The following BTK variants were observed in gnomAD, a reference collection of about 807,000 sequenced individuals.
BTK encodes the protein tyrosine-protein kinase BTK.
BTK carries 5 observed loss-of-function variants against 57.4 expected under a neutral mutation model. The ratio of observed to expected loss-of-function variants is 0.09; its 90% CI spans 0.05 to 0.18. The LOEUF (loss-of-function observed/expected upper bound fraction) is 0.18, where lower values mean the gene tolerates loss of function less well. Among genes scored for constraint, BTK ranks in the 10% least tolerant of loss-of-function variants. The pLI is 1.00. For missense variants in BTK, 194 were observed against 501.2 expected (o/e 0.39, Z 5.85); for synonymous variants, 154 against 174.3 (o/e 0.88, Z 0.92).
chrX:101,374,607 C>G lies in BTK; in HGVS notation c.169G>C (p.Asp57His), dbSNP rs1555980795. The G allele has an allele frequency of 8.3e-7, 1 of 1,209,068 alleles. No individual in the cohort carries two copies. Among genetic ancestry groups the G allele is most frequent in the Admixed American group, 2.2e-5 (1 of 46,009 alleles). The change falls in exon 3 of 19, where the codon GAT becomes CAT. Residue 57 changes from aspartate to histidine, a missense_variant. By Grantham distance (81) the Asp-to-His change is moderately conservative (BLOSUM62 -1). Transcript: ENST00000308731. ...GRRGSKKGSI[D>H]VEKITCVETV... ...TCAACACAAGTGATCTTCTCAACATCTATTGAACCCTTCTTACTGCCTCTT... is the reference window on the plus strand; with the variant it reads ...TCAACACAAGTGATCTTCTCAACATGTATTGAACCCTTCTTACTGCCTCTT...
upstream of BTK, chrX:101,390,460 C>T (rs1199299102): frequency 1.9e-6 from 1 of 514,810 alleles, no homozygotes; most frequent in African/African-American, 2.3e-5. Context: ...CATTTATAAG[C>T]CTATTAGATT....
At chrX:101,368,224 C>G (rs906432112) in intron 5 of BTK, among the ~76,000 whole-genome samples, 2 of 112,559 alleles carry the variant, frequency 1.8e-5, no homozygotes, top group Admixed American at 1.9e-4. Flanking sequence ...GAGCCTGTAT[C>G]ACAATAAGCA....
At chrX:101,359,425 C>T (rs1446373765) in intron 9 of BTK, 78 bp from the exon 10 acceptor site, 5 of 968,582 alleles carry the variant, frequency 5.2e-6, no homozygotes, top group Non-Finnish European at 7.4e-6. Context: ...AGGGCTTGTC[C>T]ATGTCAGTGA....
chrX:101,364,742 A>T (rs1926795569), intron 5 of BTK, among the ~76,000 whole-genome samples: 1 of 109,419 alleles, frequency 9.1e-6, no homozygotes, highest in African/African-American at 3.3e-5. Flanking sequence ...CATTGCATAG[A>T]GGGAATTTTT....
chrX:101,371,516 T>C lies in BTK; in HGVS notation c.309+117A>G, dbSNP rs1470265346. The C allele has an allele frequency of 1.3e-5, 8 of 636,641 alleles. No homozygotes were observed. The Admixed American group carries it at 1.8e-4, about 14-fold the overall frequency. The allele number at this position is 636,641 out of a possible 1,213,427, so 52.5% of individuals were successfully genotyped here. A position where few individuals can be genotyped will look rare whatever the true frequency, so the allele number is the denominator to read the frequency against. On this transcript the variant is annotated intron_variant, in intron 4 of 18. Transcript: ENST00000308731. ...CTCATTTCTTGGTTCAGCATCCTTG[T>C]CCACCTCAACTTCTATTCACTGGGT... is the stretch of plus-strand genomic sequence containing the variant.
intron 1 of BTK, among the ~76,000 whole-genome samples, chrX:101,383,196 T>G (rs1406116727): frequency 1.8e-5 from 2 of 111,827 alleles, no homozygotes; most frequent in African/African-American, 3.3e-5. Flanking sequence ...TTTACCTATT[T>G]TTCGTAACAT....
intron 15 of BTK, chrX:101,355,470 C>T (rs986783177): frequency 3.4e-5 from 4 of 118,738 alleles, no homozygotes; most frequent in African/African-American, 9.9e-5. Flanking sequence ...TGAAGTGGAT[C>T]GAGATTGCAG....
chrX:101,378,577 TAGAA>T (rs782416632), intron 1 of BTK, among the ~76,000 whole-genome samples: 14 of 107,918 alleles, frequency 1.3e-4, no homozygotes, highest in Non-Finnish European at 2.3e-4. Context: ...CTGTTGTTTA[TAGAA>T]AGAAAGAAAT....
At chrX:101,371,270 C>T (rs1927021898) in intron 4 of BTK, among the ~76,000 whole-genome samples, 1 of 111,985 alleles carries the variant, frequency 8.9e-6, no homozygotes, top group Non-Finnish European at 1.9e-5. Flanking sequence ...CCTTTTCTAT[C>T]TTTTCAACCC....
intron 5 of BTK, among the ~76,000 whole-genome samples, chrX:101,366,401 T>C (rs1353418803): frequency 8.9e-6 from 1 of 112,307 alleles, no homozygotes; most frequent in Non-Finnish European, 1.9e-5. Context: ...CAGCACCTCA[T>C]GCCTCTTCAG....
intron 3 of BTK, among the ~76,000 whole-genome samples, chrX:101,372,544 G>A (rs1927066638): frequency 1.8e-5 from 2 of 109,465 alleles, no homozygotes; most frequent in Admixed American, 1.9e-4. Flanking sequence ...CGCCTCCTGG[G>A]TTCAAGGGAG....
At chrX:101,386,717 T>C (rs1234022960), upstream of BTK, among the ~76,000 whole-genome samples, 2 of 111,487 alleles carry the variant, frequency 1.8e-5, no homozygotes, top group African/African-American at 6.5e-5. Context: ...TGCTGAGTCA[T>C]TTTCTAAGAA....
At chrX:101,355,978 T>C in intron 15 of BTK, 74 bp downstream of exon 15, 1 of 1,034,175 alleles carries the variant, frequency 9.7e-7, no homozygotes, top group Non-Finnish European at 1.4e-6. Context: ...CCCTCAACCA[T>C]GTATGATATA....
intron 1 of BTK, among the ~76,000 whole-genome samples, chrX:101,384,036 T>A (rs1197128964): frequency 8.9e-6 from 1 of 111,791 alleles, no homozygotes; most frequent in Non-Finnish European, 1.9e-5. Context: ...TTTCAGTAGT[T>A]AGCAATCAGA....
At chrX:101,364,711 A>C (rs1397254820) in intron 5 of BTK, among the ~76,000 whole-genome samples, 3 of 110,308 alleles carry the variant, frequency 2.7e-5, no homozygotes, top group African/African-American at 9.9e-5. Context: ...GTTCAGATAG[A>C]GTGCAGGCTA....
intron 13 of BTK, 122 bp downstream of exon 13, chrX:101,357,387 G>C: frequency 1.6e-6 from 1 of 638,924 alleles, no homozygotes; most frequent in East Asian, 3.3e-5. Context: ...GATCTGTCTT[G>C]AGCGTCCTTG....
In BTK at chrX:101,374,752, TG is replaced by T. The variant is rs1328457198; in HGVS notation, c.142-119del. ...TGAGGTGGCACCAGGACCTGTCATG[TG>T]GGGGAAGAAAAAAAAATCCTTCCAG... On this transcript the variant is annotated intron_variant, in intron 2 of 18. Coordinates refer to ENST00000308731, the MANE Select transcript of BTK (RefSeq NM_000061.3). The T allele has an allele frequency of 3.5e-5, 22 of 630,698 alleles. No homozygotes were observed. The Admixed American group carries it at 5.4e-4, about 16-fold the overall frequency. 52.0% of individuals were successfully genotyped at this position (630,698 alleles called of 1,213,427 possible).
rs1603007166 is a variant in BTK at position 101,359,295 on chromosome X, C to T, written c.892G>A (p.Glu298Lys). 1.7e-6 allele frequency: 2 copies of T among 1,211,400 alleles called. No homozygotes were observed. The highest frequency in any genetic ancestry group is 2.2e-6 in the Non-Finnish European group (2 of 895,227). Residue 298 changes from glutamate (E) to lysine (K), a missense_variant and splice_region_variant, in exon 10 of 19, where the codon GAG (glutamate) becomes AAG (lysine). Physicochemically the swap from Glu to Lys is moderately conservative, Grantham distance 56 (BLOSUM62 1). Transcript: ENST00000308731. ...RSQAEQLLKQEGKEGGFIVRD... is the reference protein window; with the variant it reads ...RSQAEQLLKQKGKEGGFIVRD... Reference sequence around the variant, plus strand: ...TGTGCTAGTGGTTCCACACTTACCTCTTGCTTTAGCAGTTGCTCAGCCTGA... The same window carrying T: ...TGTGCTAGTGGTTCCACACTTACCTTTTGCTTTAGCAGTTGCTCAGCCTGA...
At chrX:101,369,206 C>CA (rs1926949487) in intron 5 of BTK, among the ~76,000 whole-genome samples, 1 of 112,352 alleles carries the variant, frequency 8.9e-6, no homozygotes, top group East Asian at 2.8e-4. Flanking sequence ...TTATCCACAA[C>CA]AAAGAGATGT....
Sources: gnomAD v4.1 joint callset for allele counts (sites outside exome capture counted in the v4.1 genomes callset) on GRCh38, gnomAD v4.1.1 for gene constraint, MANE v1.5 for transcripts, NCBI Gene and HGNC (gene_info 2026-07-23, HGNC 2026-07-21) for gene names.